Variants in CDIN1 observed in about 807,000 individuals in gnomAD.
CDIN1 encodes the protein CDAN1 interacting nuclease 1, also known as CDAN1-interacting nuclease 1.
CDIN1 carries 33 observed loss-of-function variants against 45.3 expected under a neutral mutation model. The ratio of observed to expected loss-of-function variants is 0.73; its 90% CI spans 0.55 to 0.97. CDIN1 has a LOEUF of 0.97. CDIN1 is among the 50% of genes least tolerant of loss of function. CDIN1 has a pLI of 0.00. For missense variants in CDIN1, 303 were observed against 339.4 expected, an observed-to-expected ratio of 0.89 and a Z score of 0.84; for synonymous variants, 118 against 124.4, an observed-to-expected ratio of 0.95 and a Z score of 0.34.
chr15:36,673,645 C>T (rs1015412875), intron 5 of CDIN1, among the ~76,000 whole-genome samples: 3 of 151,970 alleles, frequency 2.0e-5, no homozygotes, highest in Admixed American at 6.6e-5. Flanking sequence ...GGAGCTGAAT[C>T]GTATAAATTG....
chr15:36,688,476 C>T lies in CDIN1; in HGVS notation c.347-3209C>T, dbSNP rs1313224926. ...GTCTCTCCTATTCTTGTGAATCTAG[C>T]TCCAGTGACTCATACATTCCTGCTT... On this transcript the variant is annotated intron_variant, in intron 5 of 10. Coordinates refer to ENST00000566621, the MANE Select transcript of CDIN1 (RefSeq NM_001321759.2). 3.3e-5 allele frequency among the ~76,000 whole-genome samples: 5 copies of T among 152,174 alleles called. No individual in the cohort carries two copies. The East Asian group carries it at 9.6e-4, about 29-fold the overall frequency.
At chr15:36,674,889 T>C (rs149906501) in intron 5 of CDIN1, among the ~76,000 whole-genome samples, 1 of 152,224 alleles carries the variant, frequency 6.6e-6, no homozygotes, top group African/African-American at 2.4e-5. Flanking sequence ...TGTATAGATC[T>C]GTAGAAAGGT....
intron 2 of CDIN1, 105 bp from the exon 3 acceptor site, chr15:36,645,118 C>T: frequency 1.2e-6 from 1 of 833,454 alleles, no homozygotes; most frequent in Non-Finnish European, 2.0e-6. Context: ...ATTCAGTGTT[C>T]CCTATGTGCT....
At chr15:36,729,589 A>G (rs2043767158) in intron 10 of CDIN1, among the ~76,000 whole-genome samples, 1 of 152,192 alleles carries the variant, frequency 6.6e-6, no homozygotes, top group African/African-American at 2.4e-5. Flanking sequence ...CAGGATTTAC[A>G]TCTGAATTGT....
At chr15:36,750,547 T>C (rs1320085187) in intron 10 of CDIN1, among the ~76,000 whole-genome samples, 3 of 152,140 alleles carry the variant, frequency 2.0e-5, no homozygotes, top group Non-Finnish European at 4.4e-5. Flanking sequence ...TTACAGTCTC[T>C]GATGTGTGGG....
chr15:36,737,487 A>C (rs1212067004), intron 10 of CDIN1, among the ~76,000 whole-genome samples: 2 of 152,212 alleles, frequency 1.3e-5, no homozygotes, highest in Admixed American at 1.3e-4. Context: ...CAGGGACTAC[A>C]TGGAGTACTA....
At chr15:36,687,679 G>A (rs1330164975) in intron 5 of CDIN1, among the ~76,000 whole-genome samples, 1 of 152,016 alleles carries the variant, frequency 6.6e-6, no homozygotes, top group African/African-American at 2.4e-5. Context: ...CTCCACAGTA[G>A]TAGTAGATGA....
intron 8 of CDIN1, among the ~76,000 whole-genome samples, chr15:36,697,832 C>T (rs541831176): frequency 6.6e-6 from 1 of 152,014 alleles, no homozygotes; most frequent in Admixed American, 6.6e-5. Context: ...TATTTTCATG[C>T]CAAACGTTCA....
intron 10 of CDIN1, among the ~76,000 whole-genome samples, chr15:36,754,284 A>G (rs879868841): frequency 2.0e-5 from 3 of 152,086 alleles, no homozygotes; most frequent in Non-Finnish European, 2.9e-5. Context: ...ACACTATTTC[A>G]CTACCCCCTG....
At chr15:36,753,022 TAATG>T (rs1395092955) in intron 10 of CDIN1, among the ~76,000 whole-genome samples, 1 of 152,174 alleles carries the variant, frequency 6.6e-6, no homozygotes, top group African/African-American at 2.4e-5. Context: ...TGCAAAATAA[TAATG>T]AGGTTAAAAA....
At chr15:36,697,248 A>T in intron 7 of CDIN1, 75 bp from the exon 8 acceptor site, 2 of 1,254,436 alleles carry the variant, frequency 1.6e-6, no homozygotes, top group Non-Finnish European at 2.3e-6. Flanking sequence ...GGCTGCTCAA[A>T]GTATAGACCT....
chr15:36,633,998 C>T (rs951725997), intron 1 of CDIN1, among the ~76,000 whole-genome samples: 1 of 151,916 alleles, frequency 6.6e-6, no homozygotes, highest in Non-Finnish European at 1.5e-5. Flanking sequence ...GTGATCTGCT[C>T]GCCTCGGCCT....
intron 10 of CDIN1, chr15:36,755,848 T>C (rs2053596503): frequency 4.3e-6 from 1 of 232,266 alleles, no homozygotes; most frequent in Admixed American, 5.3e-5. Context: ...CCTTTATTTA[T>C]GTGGATCACA....
At chr15:36,613,850 G>C in intron 1 of CDIN1, 1 of 1,597,444 alleles carries the variant, frequency 6.3e-7, no homozygotes, top group Non-Finnish European at 8.6e-7. Flanking sequence ...TAGGAAGTAT[G>C]AAGAGGTGGC....
chr15:36,618,088 C>A, intron 1 of CDIN1: 1 of 742,266 alleles, frequency 1.3e-6, no homozygotes, highest in Non-Finnish European at 2.5e-6. Flanking sequence ...CTACACCTTA[C>A]TTTGAAACAC....
intron 1 of CDIN1, among the ~76,000 whole-genome samples, chr15:36,600,401 G>T (rs549669746): frequency 6.6e-6 from 1 of 152,322 alleles, no homozygotes; most frequent in African/African-American, 2.4e-5. Context: ...GAGGGAATAT[G>T]AATGTTGATT....
At chr15:36,589,663 G>T (rs2037478492) in intron 1 of CDIN1, among the ~76,000 whole-genome samples, 1 of 152,022 alleles carries the variant, frequency 6.6e-6, no homozygotes, top group South Asian at 2.1e-4. Flanking sequence ...CCGCCACCAC[G>T]CCCGGCTAAT....
intron 10 of CDIN1, among the ~76,000 whole-genome samples, chr15:36,730,899 C>G (rs2043810645): frequency 6.6e-6 from 1 of 152,014 alleles, no homozygotes; most frequent in Non-Finnish European, 1.5e-5. Flanking sequence ...TCACCTGTTT[C>G]ATAGAAAATG....
intron 10 of CDIN1, among the ~76,000 whole-genome samples, chr15:36,780,060 A>G (rs2054311571): frequency 8.0e-6 from 1 of 125,648 alleles, no homozygotes; most frequent in South Asian, 2.1e-4. Flanking sequence ...TTCCAAATGG[A>G]GAGTGAGTCT....
Sources: gnomAD v4.1 joint callset for allele counts (sites outside exome capture counted in the v4.1 genomes callset) on GRCh38, gnomAD v4.1.1 for gene constraint, MANE v1.5 for transcripts, NCBI Gene and HGNC (gene_info 2026-07-23, HGNC 2026-07-21) for gene names.